The following XRCC6 variants were observed in gnomAD, a reference collection of about 807,000 sequenced individuals.
XRCC6 encodes X-ray repair cross complementing 6.
In XRCC6, 5 loss-of-function variants were observed where a neutral mutation model predicts 65.7. The ratio of observed to expected loss-of-function variants is 0.08; its 90% CI spans 0.04 to 0.16. The LOEUF (loss-of-function observed/expected upper bound fraction) is 0.16. Ranked by LOEUF, XRCC6 falls within the 10% of genes least tolerant of loss-of-function variation. XRCC6 has a pLI of 1.00. For synonymous variants in XRCC6, 270 were observed against 270.6 expected (o/e 1.00, Z 0.02); for missense variants, 447 against 738.1 (o/e 0.61, Z 4.57).
chr22:41,621,580 C>CCTGCGCTTGAGGCCTGT (rs1365062432), intron 1 of XRCC6: 1 of 166,982 alleles, frequency 6.0e-6, no homozygotes, highest in Non-Finnish European at 1.3e-5. Context: ...TTGCGGCCCG[C>CCTGCGCTTGAGGCCTGT]CTGCGCTTGA....
intron 3 of XRCC6, among the ~76,000 whole-genome samples, chr22:41,634,776 C>G (rs1184917519): frequency 4.0e-5 from 6 of 149,194 alleles, no homozygotes; most frequent in Admixed American, 3.3e-4. Flanking sequence ...AACTCCTGAC[C>G]TCGTCATCTG....
chr22:41,656,803 C>A, intron 9 of XRCC6, 100 bp from the exon 10 acceptor site: 2 of 1,551,682 alleles, frequency 1.3e-6, no homozygotes, highest in Admixed American at 2.0e-5. Context: ...GGGGCCCCAG[C>A]CCCAGCACCA....
Position 41,663,827 on chromosome 22 carries a change from G to C in XRCC6, c.*12G>C. 1 of 1,606,312 alleles carries C rather than the reference G, an allele frequency of 6.2e-7. No homozygotes were observed. Among genetic ancestry groups the C allele is most frequent in the Non-Finnish European group, 8.5e-7 (1 of 1,174,848 alleles). On this transcript the variant is annotated 3_prime_UTR_variant, in exon 13 of 13. Transcript: ENST00000360079. ...ACTTCCAGGACTGACCAGAGGCCGC[G>C]CGTCCAGCTGCCCTTCCGCAGTGTG...
At chr22:41,621,959 C>A (rs761649266) in intron 1 of XRCC6, 31 bp from the exon 2 acceptor site, 3 of 1,604,290 alleles carry the variant, frequency 1.9e-6, no homozygotes, top group African/African-American at 1.3e-5. Context: ...TTTAAATTTG[C>A]CTGTTACTGA....
At chr22:41,623,009 C>T (rs537034126) in intron 2 of XRCC6, among the ~76,000 whole-genome samples, 4 of 152,134 alleles carry the variant, frequency 2.6e-5, no homozygotes, top group African/African-American at 4.8e-5. Flanking sequence ...TAATCTACCA[C>T]TCTAACACAA....
chr22:41,646,935 G>T lies in XRCC6; in HGVS notation c.813G>T (p.Val271=), dbSNP rs745408713. Residue 271 remains valine, a synonymous_variant, in exon 7 of 13, where the codon GTG becomes GTT. Transcript: ENST00000360079. ...TCAACAAAGATATAGTGATCTCTGT[G>T]GGCATTTATAATCTGGTCCAGAAGG... ...LKLNKDIVIS[V]GIYNLVQKAL... 6.2e-7 allele frequency: 1 copy of T among 1,613,810 alleles called. No individual in the cohort carries two copies. Among genetic ancestry groups the T allele is most frequent in the Non-Finnish European group, 8.5e-7 (1 of 1,179,884 alleles).
At chr22:41,647,239 C>T (rs560223142) in intron 7 of XRCC6, among the ~76,000 whole-genome samples, 157 bp downstream of exon 7, 1 of 152,298 alleles carries the variant, frequency 6.6e-6, no homozygotes, top group South Asian at 2.1e-4. Context: ...GCTGGGATCA[C>T]AGGCATGTGA....
At chr22:41,630,272 G>C (rs1238532403) in intron 3 of XRCC6, among the ~76,000 whole-genome samples, 1 of 151,606 alleles carries the variant, frequency 6.6e-6, no homozygotes, top group East Asian at 1.9e-4. Flanking sequence ...GTGAGCCATG[G>C]CACCCGGCCT....
At chr22:41,623,632 C>G (rs1477410365) in intron 2 of XRCC6, among the ~76,000 whole-genome samples, 1 of 152,182 alleles carries the variant, frequency 6.6e-6, no homozygotes, top group South Asian at 2.1e-4. Context: ...TGTGATCCGC[C>G]CTACTCAGCA....
chr22:41,646,678 G>A (rs538506389), intron 6 of XRCC6, among the ~76,000 whole-genome samples: 8 of 152,252 alleles, frequency 5.3e-5, no homozygotes, highest in South Asian at 2.1e-4. Flanking sequence ...CCTGTAGTAC[G>A]TTCTTTATCA....
intron 3 of XRCC6, among the ~76,000 whole-genome samples, chr22:41,629,511 A>G (rs1335919144): frequency 6.6e-6 from 1 of 152,158 alleles, no homozygotes; most frequent in Non-Finnish European, 1.5e-5. Flanking sequence ...CTTAACGCAG[A>G]GGGGTGGTTG....
chr22:41,636,046 A>G (rs1170577805), intron 3 of XRCC6, 67 bp from the exon 4 acceptor site: 5 of 1,413,696 alleles, frequency 3.5e-6, no homozygotes, highest in Non-Finnish European at 1.9e-6. Flanking sequence ...AGCAACTAAT[A>G]GGTACTGAGC....
intron 5 of XRCC6, among the ~76,000 whole-genome samples, chr22:41,637,270 G>A (rs1302121696): frequency 6.6e-6 from 1 of 151,964 alleles, no homozygotes; most frequent in Non-Finnish European, 1.5e-5. Context: ...TTTTAGTAGA[G>A]ATGGGGGTTT....
chr22:41,628,977 A>C (rs1308231414), intron 3 of XRCC6, among the ~76,000 whole-genome samples: 1 of 151,168 alleles, frequency 6.6e-6, no homozygotes, highest in South Asian at 2.1e-4. Context: ...AAAAAAAAAA[A>C]AAAAAAAAAA....
intron 6 of XRCC6, among the ~76,000 whole-genome samples, chr22:41,644,681 G>A (rs1309717342): frequency 1.3e-5 from 2 of 151,796 alleles, no homozygotes; most frequent in African/African-American, 4.8e-5. Context: ...TAGAGATGGG[G>A]TTTCACCGTG....
Position 41,634,440 on chromosome 22 carries a change from C to T in XRCC6, c.196-1673C>T, listed in dbSNP as rs2067788253. ...TTCTGTAGCAATCCTCCTGTGTTGG[C>T]CTCCCAAAGTGCTGGGATTATAGGC... On this transcript the variant is annotated intron_variant, in intron 3 of 12. Transcript: ENST00000360079. 5.3e-5 allele frequency among the ~76,000 whole-genome samples: 8 copies of T among 152,100 alleles called. No individual in the cohort carries two copies. The South Asian group carries it at 1.4e-3, about 28-fold the overall frequency.
At chr22:41,642,945 AC>A (rs1420176272) in intron 6 of XRCC6, among the ~76,000 whole-genome samples, 3 of 152,246 alleles carry the variant, frequency 2.0e-5, no homozygotes, top group Non-Finnish European at 4.4e-5. Flanking sequence ...TGCCCCAGGA[AC>A]CAAAATTTCT....
In XRCC6 at chr22:41,661,290, C is replaced by T. The variant is rs28384780; in HGVS notation, c.1523-41C>T. ...TGGAAGTGGACAGCAAGCTGGGGCT[C>T]GTGACTCACCAGGCCACTCTTCTGT... On this transcript the variant is annotated intron_variant, in intron 11 of 12. Transcript: ENST00000360079. 6.7e-4 allele frequency: 1,045 copies of T among 1,568,312 alleles called. 5 individuals are homozygous for T. The African/African-American group carries it at 0.012, about 18-fold the overall frequency.
rs1270734225 is a variant in XRCC6 at position 41,628,228 on chromosome 22, C to A, written c.193C>A (p.Gln65Lys). 6.2e-7 allele frequency: 1 copy of A among 1,610,258 alleles called. No homozygotes were observed. The change falls in exon 3 of 13, where the codon CAG becomes AAG. Residue 65 changes from glutamine to lysine, a missense_variant and splice_region_variant. Gln to Lys is a moderately conservative substitution (Grantham distance 53, BLOSUM62 1). Coordinates refer to ENST00000360079, the MANE Select transcript of XRCC6 (RefSeq NM_001469.5). ...DELTPFDMSI[Q>K]CIQSVYISKI... ...GTTGACACCTTTTGACATGAGCATC[C>A]AGGTAAGACTACCTTTTAATTTAAG... is the stretch of plus-strand genomic sequence containing the variant.
Sources: gnomAD v4.1 joint callset for allele counts (sites outside exome capture counted in the v4.1 genomes callset) on GRCh38, gnomAD v4.1.1 for gene constraint, MANE v1.5 for transcripts, NCBI Gene and HGNC (gene_info 2026-07-23, HGNC 2026-07-21) for gene names.